Variants in LONRF2 observed in about 807,000 individuals in gnomAD.
LONRF2 encodes LON peptidase N-terminal domain and ring finger 2.
LONRF2 carries 35 observed loss-of-function variants against 66.6 expected under a neutral mutation model. That is an observed-to-expected ratio of 0.53 (90% CI 0.40 to 0.70). LONRF2 has a LOEUF of 0.70. Ranked by LOEUF, LONRF2 falls within the 30% of genes least tolerant of loss-of-function variation. The pLI is 0.00. For synonymous variants in LONRF2, 417 were observed against 418.1 expected (o/e 1.00, Z 0.03); for missense variants, 902 against 1,002.1 (o/e 0.90, Z 1.35).
intron 6 of LONRF2, 135 bp from the exon 7 acceptor site, chr2:100,299,085 T>C (rs1675127095): frequency 2.3e-6 from 2 of 852,616 alleles, no homozygotes; most frequent in Non-Finnish European, 3.7e-6. Context: ...ATTTTATATC[T>C]TATTAAATCT....
chr2:100,319,133 A>C (rs1675572472), intron 1 of LONRF2, among the ~76,000 whole-genome samples: 1 of 151,788 alleles, frequency 6.6e-6, no homozygotes, highest in Non-Finnish European at 1.5e-5. Flanking sequence ...AAAAAAAAAA[A>C]AAAGTCAGAG....
chr2:100,284,777 G>A (rs549292436), intron 11 of LONRF2, among the ~76,000 whole-genome samples: 51 of 152,318 alleles, frequency 3.3e-4, no homozygotes, highest in African/African-American at 1.2e-3. Context: ...TTTCAGTTAA[G>A]AGTATATACC....
In LONRF2 at chr2:100,274,383, A is replaced by T. The variant is rs1343188370; in HGVS notation, c.*9915T>A. The T allele has an allele frequency of 1.3e-5, 2 of 152,260 alleles. No homozygotes were observed. Among genetic ancestry groups the T allele is most frequent in the Non-Finnish European group, 2.9e-5 (2 of 68,064 alleles). 9.4% of individuals were successfully genotyped at this position (152,260 alleles called of 1,614,324 possible). A position where few individuals can be genotyped will look rare whatever the true frequency, so the allele number is the denominator to read the frequency against. On this transcript the variant is annotated 3_prime_UTR_variant, in exon 12 of 12. Coordinates refer to ENST00000393437, the MANE Select transcript of LONRF2 (RefSeq NM_198461.4). ...TCCAGGCCCGCCCCTCTCTAGAGGA[A>T]AAACCTACTCATTTGAGACTACAAA...
chr2:100,276,407 C>G lies in LONRF2; in HGVS notation c.*7891G>C, dbSNP rs1010717618. 1.3e-5 allele frequency: 2 copies of G among 151,948 alleles called. No individual in the cohort carries two copies. The highest frequency in any genetic ancestry group is 2.9e-5 in the Non-Finnish European group (2 of 68,006). The allele number at this position is 151,948 out of a possible 1,614,324, so 9.4% of individuals were successfully genotyped here. ...TCTAAATTTCCTGTGGTCATAGTAC[C>G]CAACGCCCTAATATCCCATATTGAA... On this transcript the variant is annotated 3_prime_UTR_variant, in exon 12 of 12. Transcript: ENST00000393437.
intron 3 of LONRF2, among the ~76,000 whole-genome samples, chr2:100,301,842 G>A (rs527855918): frequency 2.0e-5 from 3 of 152,296 alleles, no homozygotes; most frequent in Non-Finnish European, 2.9e-5. Context: ...GGAAGTTTCC[G>A]TATAGGACAA....
At chr2:100,310,850 T>C (rs950083469) in intron 1 of LONRF2, among the ~76,000 whole-genome samples, 20 of 152,210 alleles carry the variant, frequency 1.3e-4, no homozygotes, top group South Asian at 2.1e-4. Flanking sequence ...AGATTTCTTA[T>C]TGACGCAATT....
chr2:100,286,989 C>G lies in LONRF2; in HGVS notation c.1995G>C (p.Ala665=), dbSNP rs116799032. Residue 665 remains alanine, a synonymous_variant, in exon 11 of 12, where the codon GCG becomes GCC. Transcript: ENST00000393437. The part of the protein sequence containing the change: ...SVHQQSVSWF[A]SLQDRMKEQI... Reference sequence around the variant, plus strand: ...GTTCTTTCATGCGATCCTGGAGAGACGCGAACCAGGAAACAGACTGTTGAT... The same window carrying G: ...GTTCTTTCATGCGATCCTGGAGAGAGGCGAACCAGGAAACAGACTGTTGAT... 1.2e-6 allele frequency: 2 copies of G among 1,614,138 alleles called. No individual in the cohort carries two copies. Among genetic ancestry groups the G allele is most frequent in the Non-Finnish European group, 1.7e-6 (2 of 1,180,002 alleles).
chr2:100,306,278 C>T (rs955960934), intron 2 of LONRF2, among the ~76,000 whole-genome samples: 1 of 151,398 alleles, frequency 6.6e-6, no homozygotes, highest in Non-Finnish European at 1.5e-5. Context: ...TAAAAGTCCC[C>T]AACTTTCATG....
At position 100,295,482 on chromosome 2, in the gene LONRF2, T is replaced by C. The variant is rs1559177170; in HGVS notation, c.1548A>G (p.Glu516=). 6.2e-7 allele frequency: 1 copy of C among 1,613,736 alleles called. No homozygotes were observed. The change falls in exon 8 of 12, where the codon GAA becomes GAG. Residue 516 remains glutamate (E), a synonymous_variant. Transcript: ENST00000393437. ...CATAAATTCTCTTCCTATCAGACAA[T>C]TCATCCGGCAAATATCGAAATATTA... ...EELIFRYLPD[E]LSDRKRIYDE... is the part of the protein sequence containing the mutation.
chr2:100,311,469 C>T (rs1263856396), intron 1 of LONRF2, among the ~76,000 whole-genome samples: 1 of 152,112 alleles, frequency 6.6e-6, no homozygotes, highest in African/African-American at 2.4e-5. Context: ...CCTGTTTCCA[C>T]TTGGCTACAG....
intron 7 of LONRF2, among the ~76,000 whole-genome samples, chr2:100,297,833 A>G (rs1675103737): frequency 6.6e-6 from 1 of 152,240 alleles, no homozygotes; most frequent in South Asian, 2.1e-4. Flanking sequence ...TGTGCATACA[A>G]TGTTTTAGAA....
rs897949393 is a variant in LONRF2 at position 100,284,238 on chromosome 2, G to A, written c.*60C>T. 25 of 1,406,780 alleles carry A rather than the reference G, an allele frequency of 1.8e-5. No homozygotes were observed. The highest frequency in any genetic ancestry group is 2.8e-5 in the Admixed American group (1 of 35,154). The allele number at this position is 1,406,780 out of a possible 1,614,324, so 87.1% of individuals were successfully genotyped here. A position where few individuals can be genotyped will look rare whatever the true frequency, so the allele number is the denominator to read the frequency against. ...AAGCACAATGAATGGACGGCTATTC[G>A]TCCATGCCTGACATTTATAAAAGCA... On this transcript the variant is annotated 3_prime_UTR_variant, in exon 12 of 12. Transcript: ENST00000393437.
chr2:100,287,098 T>C (rs766405059), intron 10 of LONRF2, 35 bp from the exon 11 acceptor site: 2 of 1,603,784 alleles, frequency 1.2e-6, no homozygotes, highest in African/African-American at 2.7e-5. Context: ...GTGTGAACCA[T>C]TCACAGTAAT....
Position 100,275,271 on chromosome 2 carries a change from T to C in LONRF2, c.*9027A>G, listed in dbSNP as rs1411456970. The C allele has an allele frequency of 6.6e-6, 1 of 152,296 alleles. No homozygotes were observed. Among genetic ancestry groups the C allele is most frequent in the Non-Finnish European group, 1.5e-5 (1 of 68,118 alleles). The allele number at this position is 152,296 out of a possible 1,614,324, so 9.4% of individuals were successfully genotyped here. A position where few individuals can be genotyped will look rare whatever the true frequency, so the allele number is the denominator to read the frequency against. On this transcript the variant is annotated 3_prime_UTR_variant, in exon 12 of 12. Coordinates refer to ENST00000393437, the MANE Select transcript of LONRF2 (RefSeq NM_198461.4). ...AATTCCCTACCTGGACATACCTACT[T>C]TCTTGGCTGGTGGTCTCAGGGCAAT...
intron 11 of LONRF2, among the ~76,000 whole-genome samples, chr2:100,286,117 G>A (rs1674840022): frequency 1.3e-5 from 2 of 149,350 alleles, no homozygotes; most frequent in African/African-American, 4.9e-5. Context: ...TCTGTGTTTG[G>A]AAAAAAAAAG....
chr2:100,282,311 C>T lies in LONRF2; in HGVS notation c.*1987G>A, dbSNP rs1674756584. On this transcript the variant is annotated 3_prime_UTR_variant, in exon 12 of 12. Transcript: ENST00000393437. ...CCAAGTATTATAGCAAGCATACCAGCTTTACTTCAGGAAGGCTCGTGGAGA... is the reference window on the plus strand; with the variant it reads ...CCAAGTATTATAGCAAGCATACCAGTTTTACTTCAGGAAGGCTCGTGGAGA... The T allele has an allele frequency of 6.6e-6, 1 of 152,160 alleles. No homozygotes were observed. Among genetic ancestry groups the T allele is most frequent in the Non-Finnish European group, 1.5e-5 (1 of 68,042 alleles). The allele number at this position is 152,160 out of a possible 1,614,324, so 9.4% of individuals were successfully genotyped here. A position where few individuals can be genotyped will look rare whatever the true frequency, so the allele number is the denominator to read the frequency against.
intron 10 of LONRF2, among the ~76,000 whole-genome samples, chr2:100,289,535 A>T (rs371510387): frequency 1.3e-5 from 2 of 148,680 alleles, no homozygotes; most frequent in Admixed American, 6.8e-5. Context: ...TCCCAGGTTC[A>T]AGCAATTCTC....
chr2:100,299,344 C>G, intron 5 of LONRF2, 25 bp from the exon 6 acceptor site: 1 of 1,388,672 alleles, frequency 7.2e-7, no homozygotes, highest in Non-Finnish European at 9.9e-7. Flanking sequence ...ATTTAAAACG[C>G]TGTAATTAAC....
intron 2 of LONRF2, among the ~76,000 whole-genome samples, chr2:100,303,832 G>A (rs1200078868): frequency 6.6e-6 from 1 of 151,976 alleles, no homozygotes; most frequent in Non-Finnish European, 1.5e-5. Context: ...TAACCTTCTT[G>A]GATCTGAAAT....
Sources: allele counts gnomAD v4.1 joint callset (sites outside exome capture counted in the v4.1 genomes callset), GRCh38; gene constraint gnomAD v4.1.1; transcripts MANE v1.5; gene names NCBI Gene and HGNC (gene_info 2026-07-23, HGNC 2026-07-21).